NBAS: variants seen among roughly 807,000 people sequenced by gnomAD.
NBAS encodes the protein NBAS subunit of NRZ tethering complex.
A neutral mutation model predicts 302.5 loss-of-function variants in NBAS; 219 were observed. The observed-to-expected ratio is 0.72, with a 90% CI of 0.65 to 0.81. The LOEUF (loss-of-function observed/expected upper bound fraction) is 0.81, where lower values mean the gene tolerates loss of function less well. NBAS is among the 30% of genes least tolerant of loss of function. The pLI, the probability that NBAS is intolerant of heterozygous loss-of-function variation, is 0.00. For synonymous variants in NBAS, 1,118 were observed against 1,021.6 expected (o/e 1.09, Z -1.80); for missense variants, 2,932 against 2,841.6 (o/e 1.03, Z -0.72).
At chr2:15,022,179 C>T in the NBAS span, among the ~76,000 whole-genome samples, 31 of 152,250 alleles carry the variant, frequency 2.0e-4, no homozygotes, top group African/African-American at 5.5e-4. Context: ...GGCAGCCCAA[C>T]GCCCACCTTA....
chr2:15,251,274 A>G (rs1279094057), intron 44 of NBAS, among the ~76,000 whole-genome samples: 1 of 152,204 alleles, frequency 6.6e-6, no homozygotes, highest in Non-Finnish European at 1.5e-5. Context: ...ACATGGACAC[A>G]GGGAAGGGAA....
intron 9 of NBAS, among the ~76,000 whole-genome samples, chr2:15,534,027 G>C: frequency 6.6e-6 from 1 of 152,204 alleles, no homozygotes; most frequent in Non-Finnish European, 1.5e-5. Context: ...AGAAATCACT[G>C]GAAGTAGAAA....
the NBAS span, among the ~76,000 whole-genome samples, chr2:15,002,525 C>T: frequency 6.6e-6 from 1 of 152,198 alleles, no homozygotes; most frequent in East Asian, 1.9e-4. Context: ...AGTCCCACGC[C>T]GTGCGCCCAC....
At chr2:14,888,372 C>T in the NBAS span, among the ~76,000 whole-genome samples, 8 of 152,038 alleles carry the variant, frequency 5.3e-5, no homozygotes, top group Non-Finnish European at 1.0e-4. Flanking sequence ...CTCAAGTGAT[C>T]CACCTGCTTT....
At chr2:15,251,947 AAGT>A (rs140379856) in intron 44 of NBAS, among the ~76,000 whole-genome samples, 1,647 of 152,306 alleles carry the variant, frequency 0.011, 13 homozygotes, top group Non-Finnish European at 0.016. Context: ...CCGCTGACAC[AAGT>A]AACAGTCTGT....
At chr2:15,162,762 C>G (rs1663927281), downstream of NBAS, among the ~76,000 whole-genome samples, 1 of 152,186 alleles carries the variant, frequency 6.6e-6, no homozygotes, top group South Asian at 2.1e-4. Flanking sequence ...CCCATTAGTT[C>G]ATTTTCCTAT....
the NBAS span, among the ~76,000 whole-genome samples, chr2:15,065,713 T>C: frequency 2.1e-4 from 29 of 139,814 alleles, no homozygotes; most frequent in Non-Finnish European, 4.3e-4. Context: ...CAAAGAAAAC[T>C]ACAACACATT....
rs772389513 is a variant in NBAS at position 15,402,279 on chromosome 2, T to G, written c.2960A>C (p.Asp987Ala). 3.7e-5 allele frequency: 60 copies of G among 1,613,490 alleles called. No homozygotes were observed. In the South Asian group the frequency reaches 6.4e-4, roughly 17 times the overall value. Residue 987 changes from aspartate (D) to alanine (A), a missense_variant, in exon 26 of 52, where the codon GAT (aspartate) becomes GCT (alanine). Physicochemically the swap from Asp to Ala is moderately radical, Grantham distance 126. Coordinates refer to ENST00000281513, the MANE Select transcript of NBAS (RefSeq NM_015909.4). ...TGCTATTGCCATCAGTTGGTCCTGA[T>G]CAGGAATAATTTTTTGCTGCAGCTA... ...KPDLQQKIIPDQDQLMAIALE... is the reference protein window; with the variant it reads ...KPDLQQKIIPAQDQLMAIALE...
intron 26 of NBAS, chr2:15,397,448 G>A (rs1034684416): frequency 6.5e-6 from 3 of 461,080 alleles, no homozygotes; most frequent in African/African-American, 6.2e-5. Context: ...CATGGGCTTT[G>A]GTGGGGGTTG....
At chr2:15,097,578 C>T in the NBAS span, among the ~76,000 whole-genome samples, 1 of 151,874 alleles carries the variant, frequency 6.6e-6, no homozygotes, top group Non-Finnish European at 1.5e-5. Context: ...TGGTAAGGAC[C>T]CTTTTCTGAG....
chr2:15,352,236 A>G (rs1673395453), intron 34 of NBAS, among the ~76,000 whole-genome samples, 155 bp from the exon 35 acceptor site: 1 of 152,216 alleles, frequency 6.6e-6, no homozygotes, highest in Non-Finnish European at 1.5e-5. Flanking sequence ...GGACTTCACA[A>G]ACAGTTTCAA....
chr2:14,885,605 T>A, the NBAS span, among the ~76,000 whole-genome samples: 1 of 152,062 alleles, frequency 6.6e-6, no homozygotes, highest in East Asian at 1.9e-4. Flanking sequence ...GAATTTAAAG[T>A]CCACGGAGTG....
At chr2:15,225,394 A>T (rs185252608) in intron 47 of NBAS, among the ~76,000 whole-genome samples, 9 of 152,284 alleles carry the variant, frequency 5.9e-5, no homozygotes, top group Admixed American at 4.6e-4. Context: ...ACGAAACATA[A>T]GGCCTCATGC....
chr2:14,839,228 A>G, the NBAS span, among the ~76,000 whole-genome samples: 6 of 152,178 alleles, frequency 3.9e-5, 1 homozygote, highest in African/African-American at 1.2e-4. Context: ...GATGGTAAGA[A>G]AATTAGACTT....
intron 23 of NBAS, among the ~76,000 whole-genome samples, chr2:15,420,576 G>A (rs1043247882): frequency 2.0e-5 from 3 of 151,958 alleles, no homozygotes; most frequent in Admixed American, 6.6e-5. Flanking sequence ...AAGAAGGAGA[G>A]GTAAAAGATA....
intron 9 of NBAS, among the ~76,000 whole-genome samples, chr2:15,522,174 G>A (rs577259539): frequency 6.6e-6 from 1 of 152,242 alleles, no homozygotes; most frequent in South Asian, 2.1e-4. Flanking sequence ...AATTCTTTCT[G>A]ACAACAGAAA....
At chr2:14,979,057 T>C in the NBAS span, among the ~76,000 whole-genome samples, 2 of 152,204 alleles carry the variant, frequency 1.3e-5, no homozygotes, top group South Asian at 4.1e-4. Context: ...GAGTCACTGT[T>C]TATCTGTCTA....
chr2:15,333,723 A>C (rs1183587895), intron 35 of NBAS, among the ~76,000 whole-genome samples: 1 of 152,048 alleles, frequency 6.6e-6, no homozygotes, highest in Non-Finnish European at 1.5e-5. Context: ...AGAAAGTTCA[A>C]GATCACCAAG....
chr2:15,170,712 G>A (rs1664257035), intron 51 of NBAS, among the ~76,000 whole-genome samples: 1 of 152,194 alleles, frequency 6.6e-6, no homozygotes, highest in Non-Finnish European at 1.5e-5. Context: ...ATACTGCATA[G>A]ATAATTTTTC....
Sources: allele counts gnomAD v4.1 joint callset (sites outside exome capture counted in the v4.1 genomes callset), GRCh38; gene constraint gnomAD v4.1.1; transcripts MANE v1.5; gene names NCBI Gene and HGNC (gene_info 2026-07-23, HGNC 2026-07-21).